MYO18A: variants seen among roughly 807,000 people sequenced by gnomAD.
The protein encoded by MYO18A is unconventional myosin-XVIIIa.
A neutral mutation model predicts 235.8 loss-of-function variants in MYO18A; 78 were observed. The ratio of observed to expected loss-of-function variants is 0.33; its 90% CI spans 0.28 to 0.40. The LOEUF (loss-of-function observed/expected upper bound fraction) is 0.40, where lower values mean the gene tolerates loss of function less well. Among genes scored for constraint, MYO18A ranks in the 10% least tolerant of loss-of-function variants. The pLI is 1.00. For synonymous variants in MYO18A, 977 were observed against 1,077.8 expected (o/e 0.91, Z 1.83); for missense variants, 2,215 against 2,699.3 (o/e 0.82, Z 3.98).
chr17:29,105,592 G>A lies in MYO18A; in HGVS notation c.3441+1488C>T, dbSNP rs137891382. 3.2e-3 allele frequency among the ~76,000 whole-genome samples: 487 copies of A among 152,252 alleles called. 4 individuals carry two copies. The highest frequency in any genetic ancestry group is 0.011 in the African/African-American group (453 of 41,540). Reference sequence around the variant, plus strand: ...AAGGGGTACGGGAAGAAGGAGGCTAGGGAAGAGAGGTTTGCAGGAGGCAGA... The same window carrying A: ...AAGGGGTACGGGAAGAAGGAGGCTAAGGAAGAGAGGTTTGCAGGAGGCAGA... On this transcript the variant is annotated intron_variant, in intron 20 of 41. Transcript: ENST00000527372.
At chr17:29,102,465 A>G (rs1223537929) in intron 21 of MYO18A, among the ~76,000 whole-genome samples, 1 of 152,182 alleles carries the variant, frequency 6.6e-6, no homozygotes, top group Non-Finnish European at 1.5e-5. Flanking sequence ...AAAAAGCAGG[A>G]GGAGGGGAAC....
In MYO18A at chr17:29,094,676, C is replaced by A. The variant is rs1300348741; in HGVS notation, c.4684G>T (p.Ala1562Ser). The A allele has an allele frequency of 6.2e-7, 1 of 1,614,034 alleles. No homozygotes were observed. Among genetic ancestry groups the A allele is most frequent in the South Asian group, 1.1e-5 (1 of 91,082 alleles). ...TGTTCCAGCATCTGGATGGTCCCTG[C>A]CTGCTCATCCAGCTCTTCTTCCTGA... The part of the protein sequence containing the change: ...KDQEEELDEQ[A>S]GTIQMLEQAK... The change falls in exon 30 of 42, where the codon GCA becomes TCA. Residue 1562 changes from alanine (A) to serine (S), a missense_variant. Ala to Ser is a moderately conservative substitution (Grantham distance 99). Transcript: ENST00000527372.
intron 1 of MYO18A, among the ~76,000 whole-genome samples, chr17:29,168,473 TTCTC>T (rs1291402941): frequency 6.6e-6 from 1 of 150,704 alleles, no homozygotes; most frequent in Non-Finnish European, 1.5e-5. Context: ...ATGACATTTT[TTCTC>T]TCTCTCTGAA....
chr17:29,107,302 A>C, intron 19 of MYO18A, 113 bp from the exon 20 acceptor site: 2 of 972,368 alleles, frequency 2.1e-6, no homozygotes, highest in Non-Finnish European at 3.3e-6. Flanking sequence ...AAGAAACTGC[A>C]GGGGGTGGGG....
chr17:29,160,711 G>A (rs531905869), intron 2 of MYO18A, among the ~76,000 whole-genome samples: 31 of 152,284 alleles, frequency 2.0e-4, no homozygotes, highest in African/African-American at 6.7e-4. Context: ...CCACCTGAGC[G>A]TGGAGGTGGT....
At chr17:29,149,997 A>G (rs1375296412) in intron 2 of MYO18A, among the ~76,000 whole-genome samples, 2 of 152,104 alleles carry the variant, frequency 1.3e-5, no homozygotes, top group Admixed American at 1.3e-4. Flanking sequence ...TCCACAGAAG[A>G]AAAAAAAGGA....
Position 29,094,995 on chromosome 17 carries a change from G to T in MYO18A, c.4450C>A (p.Leu1484Met), listed in dbSNP as rs1350524669. The change falls in exon 29 of 42, where the codon CTG (leucine) becomes ATG (methionine). Residue 1484 changes from leucine to methionine, a missense_variant. Coordinates refer to ENST00000527372, the MANE Select transcript of MYO18A (RefSeq NM_078471.4). ...AQREKLQREK[L>M]QREKDMLLAE... The stretch of plus-strand genomic sequence containing the variant: ...AGGAGCATGTCCTTCTCCCGCTGCA[G>T]CTTCTCCCGCTGCAGCTTCTCCCGC... 1.3e-6 allele frequency: 2 copies of T among 1,581,620 alleles called. No individual in the cohort carries two copies. Among genetic ancestry groups the T allele is most frequent in the Non-Finnish European group, 1.7e-6 (2 of 1,162,602 alleles).
chr17:29,117,152 T>A lies in MYO18A; in HGVS notation c.2039-697A>T, dbSNP rs1415899532. ...CCCAAGGTGCTGTTCAGCGCCAGCA[T>A]CCCCTTTCCCTAAACTGGAGAAAAA... On this transcript the variant is annotated intron_variant, in intron 10 of 41. Coordinates refer to ENST00000527372, the MANE Select transcript of MYO18A (RefSeq NM_078471.4). This position sits in a 1 kb window ranked among gnomAD's most constrained non-coding sequence, Gnocchi z 4.6. 6.6e-6 allele frequency among the ~76,000 whole-genome samples: 1 copy of A among 151,894 alleles called. No homozygotes were observed. The highest frequency in any genetic ancestry group is 1.5e-5 in the Non-Finnish European group (1 of 67,976).
chr17:29,140,513 A>C lies in MYO18A; in HGVS notation c.1000-18260T>G. Reference sequence around the variant, plus strand: ...CTAGTTGGAGCCAGCAGCCCGGAGGACTTCGGGTATCAGGTATGCCAGGAG... The same window carrying C: ...CTAGTTGGAGCCAGCAGCCCGGAGGCCTTCGGGTATCAGGTATGCCAGGAG... On this transcript the variant is annotated intron_variant, in intron 2 of 41. Transcript: ENST00000527372. This position sits in a 1 kb window ranked among gnomAD's most constrained non-coding sequence, Gnocchi z 4.2. The C allele has an allele frequency of 1.1e-6, 1 of 889,180 alleles. No individual in the cohort carries two copies. 55.1% of individuals were successfully genotyped at this position (889,180 alleles called of 1,614,324 possible). A position where few individuals can be genotyped will look rare whatever the true frequency, so the allele number is the denominator to read the frequency against.
chr17:29,149,410 G>A (rs2067922159), intron 2 of MYO18A, among the ~76,000 whole-genome samples: 1 of 152,248 alleles, frequency 6.6e-6, no homozygotes, highest in Non-Finnish European at 1.5e-5. Context: ...GAAGGTCAGT[G>A]GGTATGGGAC....
At chr17:29,093,096 G>GTCCC in intron 32 of MYO18A, 95 bp from the exon 33 acceptor site, 1 of 1,462,630 alleles carries the variant, frequency 6.8e-7, no homozygotes, top group Non-Finnish European at 9.2e-7. Flanking sequence ...CATTATCAGT[G>GTCCC]TCCCCATAAG....
chr17:29,126,153 G>A lies in MYO18A; in HGVS notation c.1000-3900C>T, dbSNP rs1426840008. ...AAAAGAACAAGTGCCTGGGAGTTCT[G>A]GGGTTATTTCTTCCCACCTGCCTAT... On this transcript the variant is annotated intron_variant, in intron 2 of 41. Transcript: ENST00000527372. This position sits in a 1 kb window ranked among gnomAD's most constrained non-coding sequence, Gnocchi z 4.1. Among the ~76,000 whole-genome samples, 4 of 152,180 alleles carry A rather than the reference G, an allele frequency of 2.6e-5. No individual in the cohort carries two copies. The highest frequency in any genetic ancestry group is 2.1e-4 in the South Asian group (1 of 4,834).
Position 29,126,456 on chromosome 17 carries a change from G to A in MYO18A, c.1000-4203C>T, listed in dbSNP as rs924563073. 1.3e-5 allele frequency among the ~76,000 whole-genome samples: 2 copies of A among 152,174 alleles called. No individual in the cohort carries two copies. Among genetic ancestry groups the A allele is most frequent in the African/African-American group, 4.8e-5 (2 of 41,434 alleles). On this transcript the variant is annotated intron_variant, in intron 2 of 41. Coordinates refer to ENST00000527372, the MANE Select transcript of MYO18A (RefSeq NM_078471.4). The surrounding 1 kb of genome is among the most constrained non-coding windows in gnomAD (Gnocchi z 4.1). Reference sequence around the variant, plus strand: ...AATGCCCATGCCAGCTCCTCCCTGTGAGCAGGAACAGGCACTTCCCTGATT... The same window carrying A: ...AATGCCCATGCCAGCTCCTCCCTGTAAGCAGGAACAGGCACTTCCCTGATT...
intron 2 of MYO18A, among the ~76,000 whole-genome samples, chr17:29,153,769 A>C (rs1043237530): frequency 6.6e-6 from 1 of 152,230 alleles, no homozygotes; most frequent in African/African-American, 2.4e-5. Context: ...TTTGACAAGC[A>C]TCTGTTTCTA....
At position 29,078,393 on chromosome 17, in the gene MYO18A, G is replaced by A. The variant is rs1423576014; in HGVS notation, c.6021-3479C>T. The A allele has an allele frequency of 2.0e-5, 3 of 152,438 alleles. No individual in the cohort carries two copies. In the East Asian group the frequency reaches 5.8e-4, roughly 29 times the overall value. The allele number at this position is 152,438 out of a possible 1,614,324, so 9.4% of individuals were successfully genotyped here. A position where few individuals can be genotyped will look rare whatever the true frequency, so the allele number is the denominator to read the frequency against. On this transcript the variant is annotated intron_variant, in intron 41 of 41. Coordinates refer to ENST00000527372, the MANE Select transcript of MYO18A (RefSeq NM_078471.4). ...CTTCCTGTTCCTCCCAGAGCACCCA[G>A]TAACCATCTGCTGCATGGGGGAAGT...
At position 29,166,130 on chromosome 17, in the gene MYO18A, C is replaced by T. The variant is rs2152976806; in HGVS notation, c.811G>A (p.Val271Met). Residue 271 changes from valine (V) to methionine (M), a missense_variant, in exon 2 of 42, where the codon GTG (valine) becomes ATG (methionine). Val to Met is a conservative substitution (Grantham distance 21). Transcript: ENST00000527372. ...AGTKDLALGL[V>M]PGDRLVEING... ...ATCTCCACCAGTCGATCTCCTGGCA[C>T]CAGCCCCAGGGCCAGGTCCTTGGTG... 1 of 1,613,284 alleles carries T rather than the reference C, an allele frequency of 6.2e-7. No individual in the cohort carries two copies. Among genetic ancestry groups the T allele is most frequent in the Non-Finnish European group, 8.5e-7 (1 of 1,179,896 alleles).
intron 26 of MYO18A, 30 bp downstream of exon 26, chr17:29,097,758 A>G (rs756345286): frequency 1.9e-6 from 3 of 1,584,866 alleles, no homozygotes; most frequent in Admixed American, 1.7e-5. Context: ...ATTGCGGGCC[A>G]CTGCCGAGCT....
At chr17:29,159,620 C>T (rs1430620365) in intron 2 of MYO18A, among the ~76,000 whole-genome samples, 1 of 152,190 alleles carries the variant, frequency 6.6e-6, no homozygotes, top group African/African-American at 2.4e-5. Flanking sequence ...CCACCACCAC[C>T]AGAAGGCCCT....
intron 31 of MYO18A, 30 bp downstream of exon 31, chr17:29,093,950 G>T (rs201708609): frequency 6.6e-7 from 1 of 1,511,816 alleles, no homozygotes; most frequent in East Asian, 2.4e-5. Flanking sequence ...AGGTGTTTAC[G>T]CTGGACAGGT....
Sources: gnomAD v4.1 joint callset for allele counts (sites outside exome capture counted in the v4.1 genomes callset) on GRCh38, gnomAD v4.1.1 for gene constraint, Gnocchi (gnomAD v3.1) non-coding constraint, MANE v1.5 for transcripts, NCBI Gene and HGNC (gene_info 2026-07-23, HGNC 2026-07-21) for gene names.